Variants in ANO3 observed in about 807,000 individuals in gnomAD.
The protein encoded by ANO3 is anoctamin-3.
A neutral mutation model predicts 144.8 loss-of-function variants in ANO3; 99 were observed. The ratio of observed to expected loss-of-function variants is 0.68; its 90% CI spans 0.58 to 0.81. The LOEUF (loss-of-function observed/expected upper bound fraction) is 0.81, where lower values mean the gene tolerates loss of function less well. Among genes scored for constraint, ANO3 ranks in the 30% least tolerant of loss-of-function variants. ANO3 has a pLI of 0.00. For synonymous variants in ANO3, 414 were observed against 392.6 expected (o/e 1.05, Z -0.64); for missense variants, 905 against 1,202.2 (o/e 0.75, Z 3.66).
intron 14 of ANO3, among the ~76,000 whole-genome samples, chr11:26,590,188 T>G (rs1851403852): frequency 2.0e-5 from 3 of 152,052 alleles, no homozygotes; most frequent in Admixed American, 2.0e-4. Context: ...AGAAAGAGAA[T>G]AGGAGGTAGG....
chr11:26,456,528 T>C (rs1264739680), intron 3 of ANO3, among the ~76,000 whole-genome samples: 1 of 144,168 alleles, frequency 6.9e-6, no homozygotes, highest in Non-Finnish European at 1.5e-5. Context: ...CAATGAGATA[T>C]CATCTCACAC....
At chr11:26,233,932 G>C (rs911844603) in intron 1 of ANO3, among the ~76,000 whole-genome samples, 1 of 152,060 alleles carries the variant, frequency 6.6e-6, no homozygotes, top group Non-Finnish European at 1.5e-5. Context: ...TTACACGCAA[G>C]GGCCTGTCAG....
At chr11:26,534,621 A>AT in intron 9 of ANO3, 59 bp downstream of exon 9, 3 of 1,256,152 alleles carry the variant, frequency 2.4e-6, no homozygotes, top group Non-Finnish European at 3.5e-6. Context: ...ACCCAGAATT[A>AT]TTGTTTTTTT....
chr11:26,420,702 A>T (rs929337228), intron 1 of ANO3, among the ~76,000 whole-genome samples: 2 of 151,962 alleles, frequency 1.3e-5, no homozygotes, highest in African/African-American at 4.8e-5. Context: ...CCTCAGAATG[A>T]TAAAGGTTTC....
At chr11:26,566,394 A>G (rs1480659182) in intron 14 of ANO3, among the ~76,000 whole-genome samples, 1 of 152,018 alleles carries the variant, frequency 6.6e-6, no homozygotes, top group African/African-American at 2.4e-5. Context: ...CATTAAATGC[A>G]CCATATATTA....
chr11:26,645,080 T>C (rs1853302211), intron 23 of ANO3, among the ~76,000 whole-genome samples: 1 of 152,158 alleles, frequency 6.6e-6, no homozygotes, highest in Admixed American at 6.6e-5. Flanking sequence ...TTTCATTATT[T>C]AGATATGTCT....
At chr11:26,487,805 G>A (rs1350737245) in intron 4 of ANO3, among the ~76,000 whole-genome samples, 1 of 152,158 alleles carries the variant, frequency 6.6e-6, no homozygotes, top group East Asian at 1.9e-4. Flanking sequence ...GATGATTTAG[G>A]GTATCTGGTG....
chr11:26,325,886 A>G (rs762041756), intron 1 of ANO3, among the ~76,000 whole-genome samples: 1 of 152,190 alleles, frequency 6.6e-6, no homozygotes, highest in Admixed American at 6.5e-5. Flanking sequence ...AGAACATCTA[A>G]GTCATCAGTC....
intron 1 of ANO3, among the ~76,000 whole-genome samples, chr11:26,437,784 C>T (rs1858347996): frequency 6.6e-6 from 1 of 152,148 alleles, no homozygotes; most frequent in African/African-American, 2.4e-5. Flanking sequence ...TGAGAACATA[C>T]ATAAGTCTGA....
intron 1 of ANO3, among the ~76,000 whole-genome samples, chr11:26,295,680 T>C (rs1854072810): frequency 6.6e-6 from 1 of 152,194 alleles, no homozygotes; most frequent in Non-Finnish European, 1.5e-5. Flanking sequence ...AGATGTGAAA[T>C]AGAGCACCTC....
At chr11:26,471,600 A>ACT (rs145690674) in intron 4 of ANO3, among the ~76,000 whole-genome samples, 3,609 of 151,888 alleles carry the variant, frequency 0.024, 122 homozygotes, top group African/African-American at 0.082. Flanking sequence ...AACAAATAAA[A>ACT]CTGCACAAAA....
intron 1 of ANO3, among the ~76,000 whole-genome samples, chr11:26,343,230 G>GTC (rs1478878925): frequency 6.6e-6 from 1 of 152,030 alleles, no homozygotes; most frequent in African/African-American, 2.4e-5. Flanking sequence ...TGCAATATTT[G>GTC]TCTTCCTGTA....
intron 1 of ANO3, among the ~76,000 whole-genome samples, chr11:26,414,881 T>C (rs1758703779): frequency 6.6e-6 from 1 of 152,086 alleles, no homozygotes; most frequent in African/African-American, 2.4e-5. Flanking sequence ...CAATGATCAT[T>C]ATAATCTGGC....
At chr11:26,247,726 C>CT (rs532538445) in intron 1 of ANO3, among the ~76,000 whole-genome samples, 61,258 of 102,408 alleles carry the variant, frequency 0.6, 19,930 homozygotes, top group East Asian at 0.73. Flanking sequence ...GCTCCAGTCA[C>CT]TTTTTTTTTT....
At chr11:26,242,429 G>A (rs376854936) in intron 1 of ANO3, among the ~76,000 whole-genome samples, 24 of 152,032 alleles carry the variant, frequency 1.6e-4, no homozygotes, top group African/African-American at 4.6e-4. Context: ...GGCCTTTCCC[G>A]TTATGAAATA....
At chr11:26,371,395 C>A (rs547820943) in intron 1 of ANO3, among the ~76,000 whole-genome samples, 1 of 152,210 alleles carries the variant, frequency 6.6e-6, no homozygotes, top group Non-Finnish European at 1.5e-5. Context: ...AAGGATGGAG[C>A]CTTCATGGAG....
At chr11:26,349,704 G>T (rs892702479) in intron 1 of ANO3, among the ~76,000 whole-genome samples, 1 of 151,846 alleles carries the variant, frequency 6.6e-6, no homozygotes, top group South Asian at 2.1e-4. Flanking sequence ...GCCCGCCACC[G>T]AGCCCGGCTA....
intron 14 of ANO3, among the ~76,000 whole-genome samples, chr11:26,562,787 A>G (rs1203167881): frequency 6.6e-6 from 1 of 151,940 alleles, no homozygotes; most frequent in African/African-American, 2.4e-5. Context: ...CTTTGCCGTC[A>G]CTTGCTAACA....
intron 1 of ANO3, among the ~76,000 whole-genome samples, chr11:26,209,328 CT>C (rs1435470872): frequency 6.6e-6 from 1 of 152,144 alleles, no homozygotes; most frequent in Admixed American, 6.6e-5. Context: ...ATGAACTCAT[CT>C]TTTTTATGGC....
Sources: allele counts gnomAD v4.1 joint callset (sites outside exome capture counted in the v4.1 genomes callset), GRCh38; gene constraint gnomAD v4.1.1; transcripts MANE v1.5; gene names NCBI Gene and HGNC (gene_info 2026-07-23, HGNC 2026-07-21).